The following KDM4C variants were observed in gnomAD, a reference collection of about 807,000 sequenced individuals.
KDM4C encodes the protein lysine demethylase 4C.
Under a neutral mutation model 129.3 loss-of-function variants are expected in KDM4C, and 81 were observed. The observed-to-expected ratio is 0.63, with a 90% CI of 0.52 to 0.75. The LOEUF (loss-of-function observed/expected upper bound fraction) is 0.75. Ranked by LOEUF, KDM4C falls within the 30% of genes least tolerant of loss-of-function variation. KDM4C has a pLI of 0.00. For missense variants in KDM4C, 1,457 were observed against 1,304.0 expected (o/e 1.12, Z -1.81); for synonymous variants, 573 against 456.1 (o/e 1.26, Z -3.26).
At chr9:6,995,871 C>CCA (rs1819615199) in intron 12 of KDM4C, among the ~76,000 whole-genome samples, 1 of 146,700 alleles carries the variant, frequency 6.8e-6, no homozygotes, top group African/African-American at 2.5e-5. Flanking sequence ...TGGGGTTTCA[C>CCA]TGTGTTAGCC....
chr9:6,808,605 C>G (rs1295559274), intron 3 of KDM4C, among the ~76,000 whole-genome samples: 3 of 146,816 alleles, frequency 2.0e-5, no homozygotes, highest in African/African-American at 5.1e-5. Flanking sequence ...CCTTTGTTCA[C>G]TTGTTTATCT....
Position 7,134,604 on chromosome 9 carries a change from T to A in KDM4C, c.2781+6368T>A, listed in dbSNP as rs561082375. On this transcript the variant is annotated intron_variant, in intron 19 of 21. Coordinates refer to ENST00000381309, the MANE Select transcript of KDM4C (RefSeq NM_015061.6). The stretch of plus-strand genomic sequence containing the variant: ...AGCTTGAATTCTCCTATTTCAGACA[T>A]TTTCAAAAACAGTATGTAAACCAGT... Among the ~76,000 whole-genome samples, 7 of 152,328 alleles carry A rather than the reference T, an allele frequency of 4.6e-5. No individual in the cohort carries two copies. The East Asian group carries it at 1.3e-3, about 29-fold the overall frequency.
At chr9:6,747,003 C>CAAAAAA (rs58512756) in intron 1 of KDM4C, among the ~76,000 whole-genome samples, 104 of 50,016 alleles carry the variant, frequency 2.1e-3, no homozygotes, top group Non-Finnish European at 3.0e-3. Flanking sequence ...GACTCCGTCT[C>CAAAAAA]AAAAAAAAAA....
intron 17 of KDM4C, among the ~76,000 whole-genome samples, chr9:7,071,427 T>G (rs1833178894): frequency 6.6e-6 from 1 of 152,166 alleles, no homozygotes; most frequent in African/African-American, 2.4e-5. Context: ...GTTAATGTGG[T>G]GAAGGGATAG....
At position 7,128,192 on chromosome 9, in the gene KDM4C, G is replaced by C. The variant is rs750722758; in HGVS notation, c.2737G>C (p.Asp913His). Residue 913 changes from aspartate to histidine, a missense_variant, in exon 19 of 22, where the codon GAT becomes CAT. Transcript: ENST00000381309. ...TSQTFYEVMF[D>H]DGSFSRDTFP... ...GCAGACCTTCTATGAGGTCATGTTT[G>C]ATGATGGCTCCTTTAGCAGAGACAC... 6.2e-7 allele frequency: 1 copy of C among 1,609,482 alleles called. No individual in the cohort carries two copies. Among genetic ancestry groups the C allele is most frequent in the Non-Finnish European group, 8.5e-7 (1 of 1,178,036 alleles).
At chr9:7,124,213 C>G (rs528609444) in intron 18 of KDM4C, among the ~76,000 whole-genome samples, 1 of 152,334 alleles carries the variant, frequency 6.6e-6, no homozygotes, top group Non-Finnish European at 1.5e-5. Flanking sequence ...ACATTGTCCC[C>G]TTGGAGGGCA....
chr9:7,070,049 A>T (rs569165711), intron 17 of KDM4C, among the ~76,000 whole-genome samples: 1 of 152,228 alleles, frequency 6.6e-6, no homozygotes, highest in Non-Finnish European at 1.5e-5. Context: ...AAGCAGGCAG[A>T]ACAGGGGGAA....
At chr9:6,738,159 C>CTAAAA (rs1305969824) in intron 1 of KDM4C, among the ~76,000 whole-genome samples, 2 of 149,556 alleles carry the variant, frequency 1.3e-5, no homozygotes, top group Non-Finnish European at 3.0e-5. Flanking sequence ...CTAAACTAAA[C>CTAAAA]TAAACTAAAC....
At chr9:7,051,030 A>G (rs911283290) in intron 17 of KDM4C, among the ~76,000 whole-genome samples, 1 of 152,166 alleles carries the variant, frequency 6.6e-6, no homozygotes, top group African/African-American at 2.4e-5. Flanking sequence ...ATTATCACCA[A>G]AAGTCTATTC....
intron 15 of KDM4C, among the ~76,000 whole-genome samples, chr9:7,017,463 T>C (rs976728229): frequency 4.6e-5 from 7 of 152,126 alleles, no homozygotes; most frequent in African/African-American, 1.4e-4. Flanking sequence ...TTCCTGCAGA[T>C]TTTTTTGGGG....
chr9:6,824,424 G>A (rs184571675), intron 4 of KDM4C, among the ~76,000 whole-genome samples: 11 of 152,292 alleles, frequency 7.2e-5, no homozygotes, highest in African/African-American at 2.6e-4. Flanking sequence ...GATGAGAAGG[G>A]TGAAGAGGGT....
intron 8 of KDM4C, among the ~76,000 whole-genome samples, chr9:6,910,038 A>G (rs1818998384): frequency 6.6e-6 from 1 of 152,232 alleles, no homozygotes; most frequent in Non-Finnish European, 1.5e-5. Flanking sequence ...AGTTCGTGAG[A>G]AGGAAAATAT....
At chr9:6,916,774 A>G (rs527951920) in intron 8 of KDM4C, among the ~76,000 whole-genome samples, 15 of 152,326 alleles carry the variant, frequency 9.8e-5, no homozygotes, top group African/African-American at 3.6e-4. Context: ...TAAGAGGATT[A>G]TGTCTTCTAA....
intron 8 of KDM4C, among the ~76,000 whole-genome samples, chr9:6,907,472 G>A (rs945321686): frequency 1.6e-4 from 25 of 152,082 alleles, no homozygotes; most frequent in Non-Finnish European, 3.5e-4. Flanking sequence ...GTAGAGCTCT[G>A]GACCAATGTC....
At chr9:7,086,635 G>T (rs987732049) in intron 17 of KDM4C, among the ~76,000 whole-genome samples, 1 of 152,138 alleles carries the variant, frequency 6.6e-6, no homozygotes, top group Non-Finnish European at 1.5e-5. Context: ...CCTTGAGTGT[G>T]TTCTCTGGCC....
chr9:7,082,203 G>C (rs755626944), intron 17 of KDM4C, among the ~76,000 whole-genome samples: 64 of 152,108 alleles, frequency 4.2e-4, no homozygotes, highest in Non-Finnish European at 1.8e-4. Context: ...AATTATGAAT[G>C]AATCCTCCTG....
intron 18 of KDM4C, among the ~76,000 whole-genome samples, chr9:7,123,718 C>A (rs189107484): frequency 2.4e-4 from 37 of 152,268 alleles, no homozygotes; most frequent in African/African-American, 8.4e-4. Context: ...TTAACAAAGG[C>A]TTTGGGAGCC....
At chr9:7,118,213 T>C (rs541479809) in intron 18 of KDM4C, among the ~76,000 whole-genome samples, 3 of 152,360 alleles carry the variant, frequency 2.0e-5, no homozygotes, top group South Asian at 2.1e-4. Context: ...GGGAAACTGC[T>C]TACCACCATT....
At chr9:7,006,570 G>A (rs767409778) in intron 12 of KDM4C, among the ~76,000 whole-genome samples, 1 of 152,018 alleles carries the variant, frequency 6.6e-6, no homozygotes, top group Non-Finnish European at 1.5e-5. Context: ...GAGAAGGGAG[G>A]GTTGTAAGCA....
Sources: gnomAD v4.1 joint callset for allele counts (sites outside exome capture counted in the v4.1 genomes callset) on GRCh38, gnomAD v4.1.1 for gene constraint, MANE v1.5 for transcripts, NCBI Gene and HGNC (gene_info 2026-07-23, HGNC 2026-07-21) for gene names.